The following NEDD9 variants were observed in gnomAD, a reference collection of about 807,000 sequenced individuals.
The protein encoded by NEDD9 is enhancer of filamentation 1.
A neutral mutation model predicts 76.6 loss-of-function variants in NEDD9; 26 were observed. The observed-to-expected ratio is 0.34, with a 90% CI of 0.25 to 0.47. NEDD9 has a LOEUF of 0.47. Among genes scored for constraint, NEDD9 ranks in the 20% least tolerant of loss-of-function variants. The probability of loss-of-function intolerance (pLI) is 1.00; values close to 1 mark genes in which losing one functional copy is unlikely to be tolerated. For synonymous variants in NEDD9, 392 were observed against 414.2 expected (o/e 0.95, Z 0.65); for missense variants, 937 against 1,058.5 (o/e 0.89, Z 1.59).
At chr6:11,313,942 A>C (rs2113447805) in intron 2 of NEDD9, among the ~76,000 whole-genome samples, 1 of 152,328 alleles carries the variant, frequency 6.6e-6, no homozygotes, top group East Asian at 1.9e-4. Flanking sequence ...GAGGTTTTAC[A>C]AGTTAAAACA....
At chr6:11,214,130 T>C in intron 1 of NEDD9, 1 of 496,106 alleles carries the variant, frequency 2.0e-6, no homozygotes, top group East Asian at 5.5e-5. Flanking sequence ...CATTTCTCAA[T>C]ATTGTTCTAT....
At chr6:11,356,987 A>G (rs1762588172) in intron 1 of NEDD9, among the ~76,000 whole-genome samples, 1 of 152,088 alleles carries the variant, frequency 6.6e-6, no homozygotes, top group Non-Finnish European at 1.5e-5. Flanking sequence ...GCTGAATACA[A>G]TGAGGTGACT....
intron 1 of NEDD9, among the ~76,000 whole-genome samples, chr6:11,368,752 T>G (rs1762809891): frequency 6.6e-6 from 1 of 152,230 alleles, no homozygotes; most frequent in African/African-American, 2.4e-5. Flanking sequence ...TATAAGCCTT[T>G]GGGTTTTGTT....
At chr6:11,344,182 A>AAAAATGTG (rs1486668325) in intron 1 of NEDD9, among the ~76,000 whole-genome samples, 3 of 152,226 alleles carry the variant, frequency 2.0e-5, no homozygotes, top group Non-Finnish European at 4.4e-5. Flanking sequence ...CTCTGGCTAC[A>AAAAATGTG]AAAATGTGCT....
intron 2 of NEDD9, among the ~76,000 whole-genome samples, chr6:11,325,643 C>T (rs1202298484): frequency 1.3e-5 from 2 of 152,010 alleles, no homozygotes; most frequent in Non-Finnish European, 2.9e-5. Flanking sequence ...TGTGACAAGT[C>T]AAAAGAGAGA....
intron 2 of NEDD9, among the ~76,000 whole-genome samples, chr6:11,201,585 G>A (rs1561785244): frequency 6.6e-6 from 1 of 152,190 alleles, no homozygotes; most frequent in African/African-American, 2.4e-5. Flanking sequence ...ATGGGATGGA[G>A]AGGAGACTGG....
At chr6:11,245,601 G>A (rs926402744) in intron 3 of NEDD9, among the ~76,000 whole-genome samples, 32 of 151,450 alleles carry the variant, frequency 2.1e-4, no homozygotes, top group South Asian at 6.3e-4. Flanking sequence ...TACAGTAGCA[G>A]CCAACGCGGC....
At chr6:11,296,651 C>CTTCCTTTCCT (rs147179730) in intron 3 of NEDD9, among the ~76,000 whole-genome samples, 2 of 129,414 alleles carry the variant, frequency 1.5e-5, no homozygotes, top group Non-Finnish European at 3.2e-5. Context: ...CCTTTCCTTC[C>CTTCCTTTCCT]TTCCTTTCCT....
chr6:11,341,717 G>A (rs1353374528), intron 1 of NEDD9, among the ~76,000 whole-genome samples: 1 of 152,190 alleles, frequency 6.6e-6, no homozygotes, highest in Non-Finnish European at 1.5e-5. Flanking sequence ...CTATTGAAGA[G>A]TGCTGAGCTA....
upstream of NEDD9, among the ~76,000 whole-genome samples, chr6:11,237,346 A>G (rs182648578): frequency 3.3e-5 from 5 of 152,326 alleles, no homozygotes; most frequent in Admixed American, 3.3e-4. This position sits in a 1 kb window ranked among gnomAD's most constrained non-coding sequence, Gnocchi z 4.9. Context: ...AATGAGTAAG[A>G]AGATAAATGT....
chr6:11,309,635 T>C (rs1761306233), intron 2 of NEDD9, among the ~76,000 whole-genome samples: 1 of 152,200 alleles, frequency 6.6e-6, no homozygotes, highest in Non-Finnish European at 1.5e-5. Context: ...ATAGCTCCCA[T>C]TGCTTCTGAC....
chr6:11,285,007 A>G (rs1231694807), intron 3 of NEDD9, among the ~76,000 whole-genome samples: 1 of 152,192 alleles, frequency 6.6e-6, no homozygotes, highest in African/African-American at 2.4e-5. Context: ...TGATTCAGTT[A>G]TAAGTGGTGC....
intron 1 of NEDD9, among the ~76,000 whole-genome samples, chr6:11,337,141 C>A (rs1582037474): frequency 6.6e-6 from 1 of 152,234 alleles, no homozygotes; most frequent in African/African-American, 2.4e-5. Context: ...TCTCTTGAAC[C>A]CAGGAGGCGG....
chr6:11,257,863 T>C (rs536496426), intron 3 of NEDD9, among the ~76,000 whole-genome samples: 8 of 152,214 alleles, frequency 5.3e-5, no homozygotes, highest in African/African-American at 1.9e-4. Context: ...TTTTTATTTC[T>C]TGTCTCTAGT....
intron 3 of NEDD9, among the ~76,000 whole-genome samples, chr6:11,291,461 A>G (rs1760768799): frequency 6.6e-6 from 1 of 151,876 alleles, no homozygotes; most frequent in Non-Finnish European, 1.5e-5. Flanking sequence ...TTTTTAGTAG[A>G]GACGGGGTTT....
At chr6:11,249,741 G>A (rs1759878948) in intron 3 of NEDD9, among the ~76,000 whole-genome samples, 2 of 152,204 alleles carry the variant, frequency 1.3e-5, no homozygotes, top group African/African-American at 4.8e-5. Flanking sequence ...CATGTGCCAG[G>A]TTTTTTCTGC....
chr6:11,339,916 T>C (rs1444500759), intron 1 of NEDD9, among the ~76,000 whole-genome samples: 1 of 152,240 alleles, frequency 6.6e-6, no homozygotes, highest in African/African-American at 2.4e-5. Context: ...ACGGTAATGA[T>C]ATCCTACTTC....
At chr6:11,350,524 C>T (rs1034438218) in intron 1 of NEDD9, among the ~76,000 whole-genome samples, 1 of 152,226 alleles carries the variant, frequency 6.6e-6, no homozygotes, top group Non-Finnish European at 1.5e-5. Context: ...CAACCCCAAA[C>T]AGAAGTCTCA....
chr6:11,262,136 A>T (rs1029306319), intron 3 of NEDD9, among the ~76,000 whole-genome samples: 1 of 152,218 alleles, frequency 6.6e-6, no homozygotes, highest in Non-Finnish European at 1.5e-5. Context: ...CTGTGGTTTA[A>T]TGAGACCCTT....
Sources: gnomAD v4.1 joint callset for allele counts (sites outside exome capture counted in the v4.1 genomes callset) on GRCh38, gnomAD v4.1.1 for gene constraint, Gnocchi (gnomAD v3.1) non-coding constraint, MANE v1.5 for transcripts, NCBI Gene and HGNC (gene_info 2026-07-23, HGNC 2026-07-21) for gene names.